CREB5: variants seen among roughly 807,000 people sequenced by gnomAD.
CREB5 encodes the protein cAMP responsive element binding protein 5.
A neutral mutation model predicts 57.1 loss-of-function variants in CREB5; 19 were observed. That is an observed-to-expected ratio of 0.33 (90% CI 0.23 to 0.49). The LOEUF is 0.49. CREB5 is among the 20% of genes least tolerant of loss of function. The pLI is 0.99. For missense variants in CREB5, 579 were observed against 671.6 expected, an observed-to-expected ratio of 0.86 and a Z score of 1.52; for synonymous variants, 238 against 238.3, an observed-to-expected ratio of 1.00 and a Z score of 0.01.
At chr7:28,398,432 C>T (rs981118313) in intron 1 of CREB5, among the ~76,000 whole-genome samples, 2 of 152,110 alleles carry the variant, frequency 1.3e-5, no homozygotes, top group Non-Finnish European at 1.5e-5. Flanking sequence ...AGCAAGAAGG[C>T]CAGGATGTTG....
chr7:28,486,949 A>AAAAAT (rs1180747294), intron 1 of CREB5, among the ~76,000 whole-genome samples: 1 of 151,762 alleles, frequency 6.6e-6, no homozygotes, highest in Admixed American at 6.6e-5. Flanking sequence ...ATTTTTATTT[A>AAAAAT]AAAACAAAAC....
intron 1 of CREB5, among the ~76,000 whole-genome samples, chr7:28,466,461 A>C (rs959046437): frequency 2.0e-5 from 3 of 152,142 alleles, no homozygotes; most frequent in African/African-American, 7.2e-5. Context: ...TGTTTACCTC[A>C]AATTTTCTCC....
At chr7:28,812,593 G>A (rs1043029407) in intron 9 of CREB5, among the ~76,000 whole-genome samples, 2 of 152,116 alleles carry the variant, frequency 1.3e-5, no homozygotes, top group African/African-American at 4.8e-5. Context: ...ACCCAAAAAA[G>A]GGACAGTCTC....
chr7:28,414,899 A>T (rs1361104441), intron 1 of CREB5, among the ~76,000 whole-genome samples: 3 of 152,128 alleles, frequency 2.0e-5, no homozygotes, highest in Non-Finnish European at 4.4e-5. Flanking sequence ...TGGGACTGTC[A>T]CAGTAAAAGA....
chr7:28,757,671 C>CA (rs1008457413), intron 7 of CREB5, among the ~76,000 whole-genome samples: 3,350 of 97,096 alleles, frequency 0.035, 81 homozygotes, highest in African/African-American at 0.1. Context: ...GACTCCGTCT[C>CA]AAAAAAAAAA....
chr7:28,481,204 T>C (rs1454207831), intron 1 of CREB5, among the ~76,000 whole-genome samples: 1 of 152,156 alleles, frequency 6.6e-6, no homozygotes, highest in Non-Finnish European at 1.5e-5. Context: ...CTGGGAGCAG[T>C]GGGCCTCATT....
intron 1 of CREB5, among the ~76,000 whole-genome samples, chr7:28,361,338 A>G (rs1232890393): frequency 2.0e-5 from 3 of 152,104 alleles, no homozygotes; most frequent in Non-Finnish European, 4.4e-5. Context: ...ACATGAGTCA[A>G]TGTTCATATT....
intron 1 of CREB5, among the ~76,000 whole-genome samples, chr7:28,311,745 A>T (rs1785280989): frequency 6.6e-6 from 1 of 152,152 alleles, no homozygotes; most frequent in Admixed American, 6.5e-5. Context: ...AAGGTACGGC[A>T]CCTCTCTGGA....
intron 1 of CREB5, among the ~76,000 whole-genome samples, chr7:28,406,902 T>C (rs1787593191): frequency 7.3e-6 from 1 of 136,722 alleles, no homozygotes; most frequent in African/African-American, 2.9e-5. Flanking sequence ...GGTTCCCTTT[T>C]CATTTATTTA....
intron 7 of CREB5, among the ~76,000 whole-genome samples, chr7:28,747,641 G>T (rs1484943641): frequency 6.6e-6 from 1 of 152,148 alleles, no homozygotes; most frequent in African/African-American, 2.4e-5. Flanking sequence ...AGGCAAAGAA[G>T]ACCAGTCCCA....
At chr7:28,361,373 T>C (rs1446861452) in intron 1 of CREB5, among the ~76,000 whole-genome samples, 2 of 152,192 alleles carry the variant, frequency 1.3e-5, no homozygotes, top group East Asian at 3.9e-4. Flanking sequence ...CACACCAGTT[T>C]TCTTTTTGAG....
At chr7:28,341,286 A>G (rs905448607) in intron 1 of CREB5, among the ~76,000 whole-genome samples, 2 of 152,196 alleles carry the variant, frequency 1.3e-5, no homozygotes, top group South Asian at 2.1e-4. Flanking sequence ...GTTTAAACCT[A>G]TAATATTTTA....
chr7:28,488,771 T>G lies in CREB5; in HGVS notation c.75+525T>G, dbSNP rs177590. Reference sequence around the variant, plus strand: ...TTTAAGAGGATAAATTGTCCTGCTGTGTTGGATTAAATCTCTTTTAGCCTC... The same window carrying G: ...TTTAAGAGGATAAATTGTCCTGCTGGGTTGGATTAAATCTCTTTTAGCCTC... On this transcript the variant is annotated intron_variant, in intron 2 of 10. Coordinates refer to ENST00000357727, the MANE Select transcript of CREB5 (RefSeq NM_182898.4). Among the ~76,000 whole-genome samples the G allele has an allele frequency of 5.3e-5, 8 of 152,306 alleles. No homozygotes were observed. The East Asian group carries it at 1.5e-3, about 29-fold the overall frequency.
chr7:28,358,214 C>G (rs1786384889), intron 1 of CREB5, among the ~76,000 whole-genome samples: 1 of 152,222 alleles, frequency 6.6e-6, no homozygotes, highest in Admixed American at 6.5e-5. Flanking sequence ...GCTGACCTCA[C>G]AGGCTCTGTC....
intron 4 of CREB5, among the ~76,000 whole-genome samples, chr7:28,519,910 TATAAA>T (rs1793135732): frequency 6.6e-6 from 1 of 152,220 alleles, no homozygotes; most frequent in Non-Finnish European, 1.5e-5. Flanking sequence ...GGTTTGTTGT[TATAAA>T]AAAGCATTGA....
chr7:28,602,734 A>G (rs1450622246), intron 5 of CREB5, among the ~76,000 whole-genome samples: 8 of 152,202 alleles, frequency 5.3e-5, no homozygotes, highest in Admixed American at 1.3e-4. Context: ...AGTTGAATCT[A>G]TGGGGTATCA....
chr7:28,716,387 C>G (rs1285461939), intron 5 of CREB5, among the ~76,000 whole-genome samples: 3 of 152,130 alleles, frequency 2.0e-5, no homozygotes, highest in African/African-American at 7.2e-5. Context: ...AATATTTTTA[C>G]TTGTTCCTAA....
chr7:28,821,426 G>A lies in CREB5; in HGVS notation c.*2147G>A, dbSNP rs1337227942. 6.8e-6 allele frequency: 1 copy of A among 148,144 alleles called. No homozygotes were observed. The highest frequency in any genetic ancestry group is 1.5e-5 in the Non-Finnish European group (1 of 67,480). The allele number at this position is 148,144 out of a possible 1,614,324, so 9.2% of individuals were successfully genotyped here. ...GTTTTGAGTGTCCAGTGAAACTTAT[G>A]ACTTGGATATATGGTTGAAGAATCA... On this transcript the variant is annotated 3_prime_UTR_variant, in exon 11 of 11. Transcript: ENST00000357727.
chr7:28,731,740 T>C (rs900763074), intron 7 of CREB5, among the ~76,000 whole-genome samples: 6 of 152,170 alleles, frequency 3.9e-5, no homozygotes, highest in African/African-American at 1.4e-4. Flanking sequence ...TTCTGCAATT[T>C]GGTTATTGAA....
Sources: gnomAD v4.1 joint callset for allele counts (sites outside exome capture counted in the v4.1 genomes callset) on GRCh38, gnomAD v4.1.1 for gene constraint, MANE v1.5 for transcripts, NCBI Gene and HGNC (gene_info 2026-07-23, HGNC 2026-07-21) for gene names.